Variants in SEC23A observed in about 807,000 individuals in gnomAD.
SEC23A encodes the protein SEC23 homolog A, COPII component.
In SEC23A, 56 loss-of-function variants were observed where a neutral mutation model predicts 103.7. The ratio of observed to expected loss-of-function variants is 0.54; its 90% confidence interval spans 0.44 to 0.67. The LOEUF is 0.67. Among genes scored for constraint, SEC23A ranks in the 30% least tolerant of loss-of-function variants. The probability of loss-of-function intolerance (pLI) is 0.00; values close to 1 mark genes in which losing one functional copy is unlikely to be tolerated. For missense variants in SEC23A, 784 were observed against 936.4 expected, an observed-to-expected ratio of 0.84 and a Z score of 2.12; for synonymous variants, 281 against 293.0, an observed-to-expected ratio of 0.96 and a Z score of 0.42.
chr14:39,058,026 G>C (rs1886306933), intron 13 of SEC23A, among the ~76,000 whole-genome samples: 1 of 152,158 alleles, frequency 6.6e-6, no homozygotes, highest in Non-Finnish European at 1.5e-5. Context: ...ACATAAAATA[G>C]CAGCAATTTA....
intron 6 of SEC23A, 63 bp downstream of exon 6, chr14:39,086,866 A>G (rs1887461579): frequency 1.1e-6 from 1 of 937,944 alleles, no homozygotes; most frequent in African/African-American, 1.6e-5. Context: ...GCCTATGTTC[A>G]AGGGTATGGA....
chr14:39,067,093 T>C, intron 10 of SEC23A, 80 bp downstream of exon 10: 1 of 1,521,116 alleles, frequency 6.6e-7, no homozygotes, highest in Non-Finnish European at 9.1e-7. Context: ...TAAATTTGAT[T>C]AATGGCATTT....
intron 18 of SEC23A, chr14:39,040,244 A>T (rs1246424534): frequency 1.2e-5 from 2 of 164,494 alleles, no homozygotes; most frequent in African/African-American, 4.8e-5. Flanking sequence ...TATCCTCAAA[A>T]TCCTAAAAGC....
At chr14:39,096,697 C>T (rs904551518) in intron 1 of SEC23A, among the ~76,000 whole-genome samples, 1 of 152,076 alleles carries the variant, frequency 6.6e-6, no homozygotes, top group East Asian at 1.9e-4. Flanking sequence ...AAAATAGTGT[C>T]TTATTTCTTT....
rs1886545323 is a variant in SEC23A at position 39,063,377 on chromosome 14, A to AT, written c.1344dup (p.Cys449MetfsTer4). On this transcript the variant is annotated frameshift_variant, in exon 12 of 20. Transcript: ENST00000307712. LOFTEE classifies it high-confidence loss of function. ...AAGGTTGTAGTGGGACTAAGTCCAC[A>AT]TATCTTCCACTGACATGTGCCACCT... The AT allele has an allele frequency of 8.1e-6, 13 of 1,612,724 alleles. No homozygotes were observed. Among genetic ancestry groups the AT allele is most frequent in the Non-Finnish European group, 1.0e-5 (12 of 1,178,880 alleles).
intron 5 of SEC23A, chr14:39,087,761 T>C (rs1458659194): frequency 6.6e-6 from 1 of 152,276 alleles, no homozygotes; most frequent in Non-Finnish European, 1.5e-5. Flanking sequence ...GAACTAATCC[T>C]GCAATATTTC....
chr14:39,037,968 G>T (rs1020140170), intron 19 of SEC23A, among the ~76,000 whole-genome samples: 1 of 152,020 alleles, frequency 6.6e-6, no homozygotes, highest in Non-Finnish European at 1.5e-5. Flanking sequence ...TTAATCTTAA[G>T]ATTCAACTAT....
At chr14:39,095,477 T>A (rs1490082305) in intron 2 of SEC23A, among the ~76,000 whole-genome samples, 1 of 152,066 alleles carries the variant, frequency 6.6e-6, no homozygotes, top group African/African-American at 2.4e-5. Context: ...TTTGTATTTT[T>A]AGTAGAGACG....
chr14:39,066,653 T>C (rs1886678653), intron 10 of SEC23A, among the ~76,000 whole-genome samples: 1 of 152,054 alleles, frequency 6.6e-6, no homozygotes, highest in Admixed American at 6.5e-5. Flanking sequence ...TCACCTGAGG[T>C]CAGGAGTTCG....
intron 19 of SEC23A, among the ~76,000 whole-genome samples, chr14:39,033,762 T>C (rs1885379732): frequency 6.6e-6 from 1 of 151,758 alleles, no homozygotes; most frequent in Non-Finnish European, 1.5e-5. Context: ...TTTCAGGTCG[T>C]TTTAATTGAT....
At chr14:39,077,507 A>C (rs960208081) in intron 7 of SEC23A, among the ~76,000 whole-genome samples, 3 of 151,736 alleles carry the variant, frequency 2.0e-5, no homozygotes, top group African/African-American at 7.3e-5. Flanking sequence ...GTGCCACTGC[A>C]CTCCAGCCTG....
intron 9 of SEC23A, among the ~76,000 whole-genome samples, chr14:39,067,728 T>C (rs1886720729): frequency 7.2e-6 from 1 of 138,784 alleles, no homozygotes; most frequent in Non-Finnish European, 1.5e-5. Context: ...TGGAGTGCAG[T>C]GGAACAATCA....
At chr14:39,065,117 A>G in intron 10 of SEC23A, 124 bp from the exon 11 acceptor site, 1 of 718,094 alleles carries the variant, frequency 1.4e-6, no homozygotes, top group South Asian at 1.5e-5. Flanking sequence ...AAAATATACT[A>G]ACATGAAAAA....
chr14:39,040,504 T>C, intron 18 of SEC23A: 1 of 578,262 alleles, frequency 1.7e-6, no homozygotes, highest in Non-Finnish European at 3.1e-6. Flanking sequence ...GAAGCTAGGC[T>C]AGAGACAGAA....
chr14:39,035,557 T>C (rs1027257588), intron 19 of SEC23A, among the ~76,000 whole-genome samples: 41 of 152,310 alleles, frequency 2.7e-4, no homozygotes, highest in African/African-American at 8.9e-4. Flanking sequence ...CATTTTCCAT[T>C]ACCAGCCTTC....
At chr14:39,076,349 T>C (rs1224586994) in intron 7 of SEC23A, among the ~76,000 whole-genome samples, 1 of 152,102 alleles carries the variant, frequency 6.6e-6, no homozygotes, top group Non-Finnish European at 1.5e-5. Context: ...ATATTTCTCC[T>C]GCTTAACTCA....
intron 15 of SEC23A, among the ~76,000 whole-genome samples, chr14:39,046,990 T>C (rs1392156968): frequency 6.6e-6 from 1 of 152,238 alleles, no homozygotes; most frequent in Non-Finnish European, 1.5e-5. Flanking sequence ...CCATAATTCA[T>C]TGAGAGGCTC....
chr14:39,076,388 G>C (rs1323998289), intron 7 of SEC23A, among the ~76,000 whole-genome samples: 1 of 151,348 alleles, frequency 6.6e-6, no homozygotes, highest in Non-Finnish European at 1.5e-5. Context: ...GGAGAGAAAA[G>C]TGGAAGAGTG....
intron 1 of SEC23A, among the ~76,000 whole-genome samples, chr14:39,102,382 G>A (rs1032931382): frequency 1.3e-5 from 2 of 152,210 alleles, no homozygotes; most frequent in African/African-American, 4.8e-5. Context: ...TTGGACGGTA[G>A]AGGTTGAGGG....
Sources: gnomAD v4.1 joint callset for allele counts (sites outside exome capture counted in the v4.1 genomes callset) on GRCh38, gnomAD v4.1.1 for gene constraint, MANE v1.5 for transcripts, NCBI Gene and HGNC (gene_info 2026-07-23, HGNC 2026-07-21) for gene names.